Variants in CARMIL1 observed in about 807,000 individuals in gnomAD.
CARMIL1 encodes the protein F-actin-uncapping protein LRRC16A.
CARMIL1 carries 90 observed loss-of-function variants against 177.1 expected under a neutral mutation model. That is an observed-to-expected ratio of 0.51 (90% CI 0.43 to 0.61). The LOEUF is 0.61. CARMIL1 is among the 20% of genes least tolerant of loss of function. CARMIL1 has a pLI of 0.00. For synonymous variants in CARMIL1, 577 were observed against 606.2 expected, an observed-to-expected ratio of 0.95 and a Z score of 0.71; for missense variants, 1,380 against 1,667.0, an observed-to-expected ratio of 0.83 and a Z score of 3.00.
intron 5 of CARMIL1, among the ~76,000 whole-genome samples, chr6:25,442,208 T>C (rs540992238): frequency 1.3e-3 from 190 of 151,108 alleles, no homozygotes; most frequent in Admixed American, 3.8e-3. Flanking sequence ...GTGTCAATAG[T>C]TTATCATGAG....
chr6:25,617,422 G>T (rs977674496), intron 36 of CARMIL1, among the ~76,000 whole-genome samples: 2 of 152,130 alleles, frequency 1.3e-5, no homozygotes, highest in African/African-American at 4.8e-5. Flanking sequence ...TGGGAAGAAT[G>T]AAAAGCTTGA....
intron 2 of CARMIL1, among the ~76,000 whole-genome samples, chr6:25,364,361 C>G (rs1197847931): frequency 6.6e-6 from 1 of 152,200 alleles, no homozygotes; most frequent in East Asian, 1.9e-4. Flanking sequence ...AGATACAGAA[C>G]AGTTCCATCA....
rs776952261 is a variant in CARMIL1 at position 25,540,086 on chromosome 6, G to C, written c.2328+8G>C. On this transcript the variant is annotated splice_region_variant and intron_variant, in intron 26 of 36. Coordinates refer to ENST00000329474, the MANE Select transcript of CARMIL1 (RefSeq NM_017640.6). ...GTAGATGAACAACTAAAGGTTTGTG[G>C]GGTTTGTTATTTGGGAAATGAAATT... The C allele has an allele frequency of 1.3e-6, 2 of 1,578,572 alleles. No homozygotes were observed. Among genetic ancestry groups the C allele is most frequent in the Non-Finnish European group, 1.7e-6 (2 of 1,167,980 alleles).
At chr6:25,489,171 TAACAAC>T (rs67504879) in intron 13 of CARMIL1, among the ~76,000 whole-genome samples, 144,489 of 151,668 alleles carry the variant, frequency 0.95, 68,947 homozygotes, top group East Asian at 1. Context: ...TATCAAACAA[TAACAAC>T]AACAACAACA....
At chr6:25,590,283 T>G (rs1387115485) in intron 31 of CARMIL1, among the ~76,000 whole-genome samples, 1 of 152,256 alleles carries the variant, frequency 6.6e-6, no homozygotes, top group African/African-American at 2.4e-5. Flanking sequence ...TCTTTTTTAA[T>G]GTGAAACTTG....
intron 26 of CARMIL1, among the ~76,000 whole-genome samples, chr6:25,547,209 T>C (rs891260127): frequency 5.3e-5 from 8 of 152,212 alleles, no homozygotes; most frequent in African/African-American, 1.9e-4. Flanking sequence ...TATTTGTGGG[T>C]AGGAAAAGTT....
chr6:25,508,564 A>T (rs1002053480), intron 17 of CARMIL1, among the ~76,000 whole-genome samples: 8 of 152,204 alleles, frequency 5.3e-5, no homozygotes, highest in African/African-American at 2.4e-5. Context: ...TAAATATCCC[A>T]ACTGAAATTC....
At position 25,291,318 on chromosome 6, in the gene CARMIL1, C is replaced by CT. The variant is rs936074532; in HGVS notation, c.138+6418dup. 8.6e-5 allele frequency among the ~76,000 whole-genome samples: 13 copies of CT among 150,722 alleles called. No individual in the cohort carries two copies. In the East Asian group the frequency reaches 9.7e-4, roughly 11 times the overall value. On this transcript the variant is annotated intron_variant, in intron 2 of 36. Coordinates refer to ENST00000329474, the MANE Select transcript of CARMIL1 (RefSeq NM_017640.6). ...TAAAGTATAAACTCTATTCCACCTG[C>CT]TTTTTTTTTAAGAGGACATGAAAAA...
At chr6:25,313,910 A>G (rs58191968) in intron 2 of CARMIL1, among the ~76,000 whole-genome samples, 30,146 of 149,842 alleles carry the variant, frequency 0.2, 3,916 homozygotes, top group East Asian at 0.39. Flanking sequence ...GCAGGCCCTC[A>G]TGAGACTTGG....
At chr6:25,570,507 G>A (rs911809491) in intron 29 of CARMIL1, among the ~76,000 whole-genome samples, 14 of 152,178 alleles carry the variant, frequency 9.2e-5, no homozygotes, top group Non-Finnish European at 8.8e-5. Context: ...TGCAAGATGA[G>A]TTATGAGGAA....
At chr6:25,283,796 C>T (rs1391739400) in intron 1 of CARMIL1, among the ~76,000 whole-genome samples, 2 of 152,146 alleles carry the variant, frequency 1.3e-5, no homozygotes, top group African/African-American at 4.8e-5. Context: ...CCACTGCAAC[C>T]TCCACCTCTC....
chr6:25,531,613 C>A (rs993088951), intron 24 of CARMIL1, among the ~76,000 whole-genome samples: 1 of 152,212 alleles, frequency 6.6e-6, no homozygotes, highest in Non-Finnish European at 1.5e-5. Flanking sequence ...AGAAAGAAAG[C>A]CATTATTTTG....
chr6:25,559,608 T>C (rs1810934972), intron 29 of CARMIL1, among the ~76,000 whole-genome samples: 1 of 152,210 alleles, frequency 6.6e-6, no homozygotes, highest in Non-Finnish European at 1.5e-5. Flanking sequence ...TTGGGAGATG[T>C]TGTAATTTTA....
rs79382581 is a variant in CARMIL1, at chr6:25,296,939, C to CTATCTT, written c.138+12032_138+12033insTCTTTA. Among the ~76,000 whole-genome samples, 128 of 126,212 alleles carry CTATCTT rather than the reference C, an allele frequency of 1.0e-3. 1 individual carries two copies. The highest frequency in any genetic ancestry group is 2.1e-3 in the South Asian group (9 of 4,290). The allele number at this position is 126,212 out of a possible 152,430, so 82.8% of individuals were successfully genotyped here. ...TATCTATCTATCTATCTATCTTTAA[C>CTATCTT]TAACTAACTAACTAACTAACTAACT... On this transcript the variant is annotated intron_variant, in intron 2 of 36. Transcript: ENST00000329474.
chr6:25,537,383 A>G (rs1251276526), intron 24 of CARMIL1, among the ~76,000 whole-genome samples: 1 of 152,228 alleles, frequency 6.6e-6, no homozygotes, highest in Non-Finnish European at 1.5e-5. Context: ...ATTGAGACCA[A>G]CTGGCTGTTG....
At position 25,304,609 on chromosome 6, in the gene CARMIL1, A is replaced by G. The variant is rs938222983; in HGVS notation, c.138+19700A>G. Among the ~76,000 whole-genome samples the G allele has an allele frequency of 4.6e-5, 7 of 152,158 alleles. No homozygotes were observed. In the East Asian group the frequency reaches 1.4e-3, roughly 29 times the overall value. Reference sequence around the variant, plus strand: ...TGACAGGAGGCAGAACTCAGGTGGTAATGTTTGGTCACCTGCCGCTCACCT... The same window carrying G: ...TGACAGGAGGCAGAACTCAGGTGGTGATGTTTGGTCACCTGCCGCTCACCT... On this transcript the variant is annotated intron_variant, in intron 2 of 36. Transcript: ENST00000329474.
intron 2 of CARMIL1, among the ~76,000 whole-genome samples, chr6:25,385,153 C>T (rs538250884): frequency 1.1e-4 from 17 of 152,258 alleles, no homozygotes; most frequent in Non-Finnish European, 1.9e-4. Flanking sequence ...TCAGGAGAAC[C>T]GTTATCTAAG....
intron 29 of CARMIL1, among the ~76,000 whole-genome samples, chr6:25,573,638 T>G (rs530772017): frequency 6.6e-6 from 1 of 151,798 alleles, no homozygotes; most frequent in East Asian, 1.9e-4. Flanking sequence ...TCTTTTTTGC[T>G]TAGTGGTAAA....
intron 2 of CARMIL1, among the ~76,000 whole-genome samples, chr6:25,406,722 G>C (rs1201466627): frequency 6.6e-6 from 1 of 152,190 alleles, no homozygotes; most frequent in East Asian, 1.9e-4. Context: ...GACCATCCTT[G>C]TTCCTGAGCC....
Sources: allele counts gnomAD v4.1 joint callset (sites outside exome capture counted in the v4.1 genomes callset), GRCh38; gene constraint gnomAD v4.1.1; transcripts MANE v1.5; gene names NCBI Gene and HGNC (gene_info 2026-07-23, HGNC 2026-07-21).